The following WRN variants were observed in gnomAD, a reference collection of about 807,000 sequenced individuals.
WRN encodes WRN RecQ like helicase, also known as bifunctional 3'-5' exonuclease/ATP-dependent helicase WRN.
A neutral mutation model predicts 180.7 loss-of-function variants in WRN; 149 were observed. The observed-to-expected ratio is 0.82, with a 90% CI of 0.72 to 0.94. The LOEUF (loss-of-function observed/expected upper bound fraction) is 0.94. Among genes scored for constraint, WRN ranks in the 40% least tolerant of loss-of-function variants. The pLI, the probability that WRN is intolerant of heterozygous loss-of-function variation, is 0.00. For synonymous variants in WRN, 548 were observed against 568.9 expected, an observed-to-expected ratio of 0.96 and a Z score of 0.52; for missense variants, 1,661 against 1,700.1, an observed-to-expected ratio of 0.98 and a Z score of 0.40.
rs1800875895 is a variant in WRN, at chr8:31,101,771, G to A, written c.2088+816G>A. Reference sequence around the variant, plus strand: ...CATTCCACTCCAGCCTGGGCAACAAGAGCGAAACTCTGTCTCAAAAAAAAA... The same window carrying A: ...CATTCCACTCCAGCCTGGGCAACAAAAGCGAAACTCTGTCTCAAAAAAAAA... On this transcript the variant is annotated intron_variant, in intron 18 of 34. Coordinates refer to ENST00000298139, the MANE Select transcript of WRN (RefSeq NM_000553.6). Among the ~76,000 whole-genome samples, 6 of 106,536 alleles carry A rather than the reference G, an allele frequency of 5.6e-5. No individual in the cohort carries two copies. In the Admixed American group the frequency reaches 8.0e-4, roughly 14 times the overall value. 69.9% of individuals were successfully genotyped at this position (106,536 alleles called of 152,430 possible).
intron 15 of WRN, among the ~76,000 whole-genome samples, chr8:31,091,576 C>G (rs1813747305): frequency 6.6e-6 from 1 of 152,008 alleles, no homozygotes; most frequent in Non-Finnish European, 1.5e-5. Flanking sequence ...TAGGTTCTAG[C>G]AACCTATTCC....
intron 17 of WRN, among the ~76,000 whole-genome samples, chr8:31,099,271 G>A (rs1468549642): frequency 3.3e-5 from 5 of 152,076 alleles, no homozygotes; most frequent in Non-Finnish European, 7.4e-5. Context: ...GGGCATGGTG[G>A]TGGGTGCCTG....
chr8:31,170,433 A>G (rs1159116855), intron 34 of WRN, among the ~76,000 whole-genome samples: 3 of 152,192 alleles, frequency 2.0e-5, no homozygotes, highest in Non-Finnish European at 4.4e-5. Context: ...TAGAAGATTT[A>G]TTTACAGATG....
chr8:31,069,664 C>T (rs572882353), intron 7 of WRN, among the ~76,000 whole-genome samples: 20 of 152,224 alleles, frequency 1.3e-4, no homozygotes, highest in African/African-American at 4.6e-4. Flanking sequence ...GAGACTTGAT[C>T]ATCTATGGAT....
At chr8:31,061,885 A>C (rs1812498278) in intron 3 of WRN, among the ~76,000 whole-genome samples, 1 of 152,134 alleles carries the variant, frequency 6.6e-6, no homozygotes, top group Non-Finnish European at 1.5e-5. Flanking sequence ...TAGTCTATGC[A>C]TGCTTGTCTT....
chr8:31,054,769 C>T (rs1207881861), intron 1 of WRN, among the ~76,000 whole-genome samples: 2 of 152,130 alleles, frequency 1.3e-5, no homozygotes, highest in Non-Finnish European at 2.9e-5. Context: ...TTCCAGGATA[C>T]ATGTGCAGGA....
At chr8:31,083,042 C>T (rs994511523) in intron 9 of WRN, among the ~76,000 whole-genome samples, 11 of 151,950 alleles carry the variant, frequency 7.2e-5, no homozygotes, top group African/African-American at 2.7e-4. Context: ...TTTCCTACTT[C>T]CTGTTTAAAT....
Position 31,132,495 on chromosome 8 carries a change from C to A in WRN, c.2956C>A (p.Leu986Ile), listed in dbSNP as rs1027359163. 1.9e-6 allele frequency: 3 copies of A among 1,614,010 alleles called. No homozygotes were observed. Among genetic ancestry groups the A allele is most frequent in the Non-Finnish European group, 1.7e-6 (2 of 1,180,026 alleles). Reference sequence around the variant, plus strand: ...TGGAATTGGGCTTCCAATTTTATTTCTCCGAGGATCTGTAAGTATATATCT... The same window carrying A: ...TGGAATTGGGCTTCCAATTTTATTTATCCGAGGATCTGTAAGTATATATCT... ...KFGIGLPILFLRGSNSQRLAD... is the reference protein window; with the variant it reads ...KFGIGLPILFIRGSNSQRLAD... Residue 986 changes from leucine (L) to isoleucine (I), a missense_variant, in exon 24 of 35, where the codon CTC becomes ATC. Physicochemically the swap from Leu to Ile is conservative, Grantham distance 5. Coordinates refer to ENST00000298139, the MANE Select transcript of WRN (RefSeq NM_000553.6).
At chr8:31,062,069 G>T (rs1258224932) in intron 3 of WRN, among the ~76,000 whole-genome samples, 1 of 152,028 alleles carries the variant, frequency 6.6e-6, no homozygotes, top group African/African-American at 2.4e-5. Context: ...TCCCTGTTCT[G>T]TTGTCTGCAA....
At chr8:31,056,620 T>C (rs1027968641) in intron 1 of WRN, among the ~76,000 whole-genome samples, 5 of 152,186 alleles carry the variant, frequency 3.3e-5, no homozygotes, top group Non-Finnish European at 5.9e-5. Flanking sequence ...TACAGAAATG[T>C]ACCTTTCTTT....
At chr8:31,138,877 C>T (rs1802498700) in intron 24 of WRN, among the ~76,000 whole-genome samples, 1 of 152,046 alleles carries the variant, frequency 6.6e-6, no homozygotes, top group Admixed American at 6.6e-5. Flanking sequence ...GGGAACTTAC[C>T]CTGCTTTACC....
chr8:31,150,316 T>C (rs1803068311), intron 30 of WRN, 25 bp from the exon 31 acceptor site: 1 of 1,573,254 alleles, frequency 6.4e-7, no homozygotes, highest in African/African-American at 1.3e-5. Flanking sequence ...CTTTTTGTTG[T>C]TGTTGTTGTT....
intron 20 of WRN, among the ~76,000 whole-genome samples, chr8:31,117,130 A>T (rs1226682450): frequency 6.6e-6 from 1 of 152,174 alleles, no homozygotes; most frequent in Admixed American, 6.6e-5. Flanking sequence ...GTTTTCACTG[A>T]CTACTTTAGC....
At chr8:31,062,252 T>A (rs964544902) in intron 3 of WRN, among the ~76,000 whole-genome samples, 1 of 152,220 alleles carries the variant, frequency 6.6e-6, no homozygotes, top group Non-Finnish European at 1.5e-5. Context: ...TCCCTTGTTA[T>A]ATCATGTTGG....
chr8:31,156,946 GTCT>G, intron 32 of WRN, among the ~76,000 whole-genome samples: 1 of 152,240 alleles, frequency 6.6e-6, no homozygotes, highest in African/African-American at 2.4e-5. Context: ...TTTAGGATTT[GTCT>G]TCTTGGAAAT....
chr8:31,103,700 C>T (rs1800969301), intron 18 of WRN, among the ~76,000 whole-genome samples: 1 of 151,990 alleles, frequency 6.6e-6, no homozygotes. Flanking sequence ...ATGCTATGAA[C>T]ATTTGTTCAT....
At position 31,150,408 on chromosome 8, in the gene WRN, C is replaced by G. The variant is rs371980000; in HGVS notation, c.3640C>G (p.Pro1214Ala). 6.2e-7 allele frequency: 1 copy of G among 1,614,044 alleles called. No homozygotes were observed. Among genetic ancestry groups the G allele is most frequent in the Non-Finnish European group, 8.5e-7 (1 of 1,180,004 alleles). ...VSEGKAAMLA[P>A]LLEVIKHFCQ... ...TGAAGGCAAAGCTGCCATGTTGGCCCCTCTGTTGGAAGTCATCAAACATTT... is the reference window on the plus strand; with the variant it reads ...TGAAGGCAAAGCTGCCATGTTGGCCGCTCTGTTGGAAGTCATCAAACATTT... The change falls in exon 31 of 35, where the codon CCT (proline) becomes GCT (alanine). Residue 1214 changes from proline (P) to alanine (A), a missense_variant. Physicochemically the swap from Pro to Ala is conservative, Grantham distance 27. Transcript: ENST00000298139.
rs896883679 is a variant in WRN at position 31,174,176 on chromosome 8, T to C, written c.*1074T>C. 6.6e-6 allele frequency among the ~76,000 whole-genome samples: 1 copy of C among 152,234 alleles called. No homozygotes were observed. The highest frequency in any genetic ancestry group is 1.5e-5 in the Non-Finnish European group (1 of 68,054). ...TCTCGTATATTCCCATTTTTCTGCATTGCATTACCAGAAGGTAGTGGCGCC... is the reference window on the plus strand; with the variant it reads ...TCTCGTATATTCCCATTTTTCTGCACTGCATTACCAGAAGGTAGTGGCGCC... On this transcript the variant is annotated 3_prime_UTR_variant, in exon 35 of 35. Transcript: ENST00000298139.
chr8:31,130,682 A>G (rs1241302339), intron 23 of WRN, among the ~76,000 whole-genome samples: 1 of 151,562 alleles, frequency 6.6e-6, no homozygotes, highest in East Asian at 1.9e-4. Context: ...CTAAGGGAAG[A>G]CTATCTTGGA....
Sources: gnomAD v4.1 joint callset for allele counts (sites outside exome capture counted in the v4.1 genomes callset) on GRCh38, gnomAD v4.1.1 for gene constraint, MANE v1.5 for transcripts, NCBI Gene and HGNC (gene_info 2026-07-23, HGNC 2026-07-21) for gene names.